Variants in HPSE2 observed in about 807,000 individuals in gnomAD.
HPSE2 encodes inactive heparanase-2.
A neutral mutation model predicts 60.5 loss-of-function variants in HPSE2; 38 were observed. The ratio of observed to expected loss-of-function variants is 0.63; its 90% CI spans 0.48 to 0.82. HPSE2 has a LOEUF of 0.82. Among genes scored for constraint, HPSE2 ranks in the 40% least tolerant of loss-of-function variants. The pLI is 0.00. For synonymous variants in HPSE2, 295 were observed against 293.2 expected (o/e 1.01, Z -0.06); for missense variants, 713 against 740.4 (o/e 0.96, Z 0.43).
intron 3 of HPSE2, among the ~76,000 whole-genome samples, chr10:99,003,298 T>C (rs946847663): frequency 2.6e-5 from 4 of 152,104 alleles, no homozygotes; most frequent in African/African-American, 9.7e-5. Context: ...TTATGAATAA[T>C]GCTGCAATGA....
chr10:99,087,566 G>T (rs1843364860), intron 3 of HPSE2, among the ~76,000 whole-genome samples: 1 of 152,164 alleles, frequency 6.6e-6, no homozygotes, highest in Non-Finnish European at 1.5e-5. Flanking sequence ...CACAATACCA[G>T]AAATGATGCA....
At chr10:98,945,581 G>C (rs956308342) in intron 3 of HPSE2, among the ~76,000 whole-genome samples, 1 of 152,048 alleles carries the variant, frequency 6.6e-6, no homozygotes, top group Non-Finnish European at 1.5e-5. Flanking sequence ...GAAAATACTT[G>C]CTATATAATA....
intron 6 of HPSE2, among the ~76,000 whole-genome samples, chr10:98,658,224 T>C (rs1947128824): frequency 6.6e-6 from 1 of 152,144 alleles, no homozygotes; most frequent in African/African-American, 2.4e-5. Context: ...TAACAAGTAA[T>C]TTAGGCCTTG....
At chr10:99,237,332 T>C (rs980363025), upstream of HPSE2, among the ~76,000 whole-genome samples, 6 of 152,174 alleles carry the variant, frequency 3.9e-5, no homozygotes, top group Admixed American at 2.6e-4. Flanking sequence ...AGCAAGGGTT[T>C]TCCCCAGAAG....
intron 9 of HPSE2, among the ~76,000 whole-genome samples, chr10:98,530,559 T>A (rs1943099301): frequency 6.6e-6 from 1 of 152,198 alleles, no homozygotes; most frequent in Admixed American, 6.5e-5. Context: ...CAGGAGAGCA[T>A]CCATCCCTTT....
At chr10:98,663,307 G>A (rs1947274170) in intron 6 of HPSE2, among the ~76,000 whole-genome samples, 1 of 152,102 alleles carries the variant, frequency 6.6e-6, no homozygotes, top group Admixed American at 6.5e-5. Context: ...GATTCTAGAA[G>A]GGAACTCTGC....
chr10:98,463,912 T>A (rs932655310), intron 11 of HPSE2, among the ~76,000 whole-genome samples: 1 of 151,282 alleles, frequency 6.6e-6, no homozygotes, highest in Non-Finnish European at 1.5e-5. Context: ...AGGTCAGGAG[T>A]TTGAGACCAG....
intron 3 of HPSE2, among the ~76,000 whole-genome samples, chr10:99,034,124 G>A (rs534150913): frequency 5.9e-5 from 9 of 152,226 alleles, no homozygotes; most frequent in East Asian, 5.8e-4. Context: ...TGGCACTTCC[G>A]TATAATAGAA....
chr10:98,618,886 C>T (rs894040308), intron 8 of HPSE2, among the ~76,000 whole-genome samples: 3 of 152,132 alleles, frequency 2.0e-5, no homozygotes, highest in Admixed American at 6.5e-5. Context: ...TGGGAGTGTA[C>T]TTTTGAAAGA....
intron 2 of HPSE2, among the ~76,000 whole-genome samples, chr10:99,228,990 C>T (rs536404840): frequency 6.6e-6 from 1 of 152,094 alleles, no homozygotes; most frequent in African/African-American, 2.4e-5. Flanking sequence ...GCCTGGCCAA[C>T]ATGGTGAAAT....
chr10:98,927,115 T>C lies in HPSE2; in HGVS notation c.611-183059A>G, dbSNP rs1010544696. Among the ~76,000 whole-genome samples, 4 of 152,230 alleles carry C rather than the reference T, an allele frequency of 2.6e-5. No homozygotes were observed. The East Asian group carries it at 7.7e-4, about 29-fold the overall frequency. On this transcript the variant is annotated intron_variant, in intron 3 of 11. Coordinates refer to ENST00000370552, the MANE Select transcript of HPSE2 (RefSeq NM_021828.5). ...GGGTGGAGAGCTCTGTAGATGTCTATTAGGTCTGCTTGGTGCAGAGCTGAG... is the reference window on the plus strand; with the variant it reads ...GGGTGGAGAGCTCTGTAGATGTCTACTAGGTCTGCTTGGTGCAGAGCTGAG...
intron 2 of HPSE2, among the ~76,000 whole-genome samples, chr10:99,212,808 T>C (rs1315574876): frequency 1.3e-5 from 2 of 152,176 alleles, no homozygotes; most frequent in African/African-American, 4.8e-5. Flanking sequence ...TTAAAAAGTA[T>C]GTGAGGTAAT....
At position 98,584,765 on chromosome 10, in the gene HPSE2, C is replaced by T. The variant is rs140187694; in HGVS notation, c.1320+30139G>A. Among the ~76,000 whole-genome samples, 182 of 152,278 alleles carry T rather than the reference C, an allele frequency of 1.2e-3. 1 individual carries two copies. Among genetic ancestry groups the T allele is most frequent in the South Asian group, 7.5e-3 (36 of 4,818 alleles). ...ATAGTGTTTTCTCCACCAGCAAAAACAAACTCAGTTTTGCCTTAACAACAG... is the reference window on the plus strand; with the variant it reads ...ATAGTGTTTTCTCCACCAGCAAAAATAAACTCAGTTTTGCCTTAACAACAG... On this transcript the variant is annotated intron_variant, in intron 9 of 11. Coordinates refer to ENST00000370552, the MANE Select transcript of HPSE2 (RefSeq NM_021828.5).
chr10:98,892,045 A>G (rs1953350558), intron 3 of HPSE2, among the ~76,000 whole-genome samples: 1 of 152,184 alleles, frequency 6.6e-6, no homozygotes, highest in Non-Finnish European at 1.5e-5. Context: ...TGCTGGGATC[A>G]CAGGTGTGAG....
chr10:99,005,656 A>T (rs577350210), intron 3 of HPSE2, among the ~76,000 whole-genome samples: 1 of 151,468 alleles, frequency 6.6e-6, no homozygotes, highest in East Asian at 1.9e-4. Flanking sequence ...CATAATCTCT[A>T]TTTCTTTGAG....
intron 2 of HPSE2, among the ~76,000 whole-genome samples, chr10:99,156,989 C>T (rs1477483392): frequency 4.5e-4 from 60 of 134,410 alleles, no homozygotes; most frequent in African/African-American, 1.3e-3. Context: ...CATGAGTGAA[C>T]TCCCATTCAC....
At chr10:98,701,927 C>A (rs1465461105) in intron 5 of HPSE2, among the ~76,000 whole-genome samples, 1 of 152,168 alleles carries the variant, frequency 6.6e-6, no homozygotes. Flanking sequence ...CAGATAGCAT[C>A]ATGATGGCAG....
At chr10:99,117,840 G>A (rs1383863131) in intron 3 of HPSE2, among the ~76,000 whole-genome samples, 2 of 152,154 alleles carry the variant, frequency 1.3e-5, no homozygotes, top group Non-Finnish European at 2.9e-5. Context: ...AATTGAGGAT[G>A]AGGGACCCTT....
intron 2 of HPSE2, among the ~76,000 whole-genome samples, chr10:99,175,149 C>A (rs919535567): frequency 6.6e-6 from 1 of 152,230 alleles, no homozygotes; most frequent in South Asian, 2.1e-4. Flanking sequence ...GGTGCCTATA[C>A]CACCAGGGCC....
Sources: gnomAD v4.1 joint callset for allele counts (sites outside exome capture counted in the v4.1 genomes callset) on GRCh38, gnomAD v4.1.1 for gene constraint, MANE v1.5 for transcripts, NCBI Gene and HGNC (gene_info 2026-07-23, HGNC 2026-07-21) for gene names.